Variants in LARGE1 observed in about 807,000 individuals in gnomAD.
The protein encoded by LARGE1 is xylosyl- and glucuronyltransferase LARGE1.
In LARGE1, 43 loss-of-function variants were observed where a neutral mutation model predicts 87.6. The observed-to-expected ratio is 0.49, with a 90% CI of 0.38 to 0.63. The LOEUF (loss-of-function observed/expected upper bound fraction) is 0.63. LARGE1 is among the 30% of genes least tolerant of loss of function. The pLI is 0.00. For missense variants in LARGE1, 802 were observed against 1,000.2 expected (o/e 0.80, Z 2.67); for synonymous variants, 434 against 394.6 (o/e 1.10, Z -1.18).
At chr22:33,394,702 CGTGTGTGTGT>C (rs59338001) in intron 7 of LARGE1, among the ~76,000 whole-genome samples, 9,263 of 142,376 alleles carry the variant, frequency 0.065, 454 homozygotes, top group Admixed American at 0.18. Context: ...CTCCTGGGAG[CGTGTGTGTGT>C]GTGTGTGTGT....
At chr22:33,293,941 T>C (rs1932912641) in intron 12 of LARGE1, among the ~76,000 whole-genome samples, 1 of 152,256 alleles carries the variant, frequency 6.6e-6, no homozygotes, top group South Asian at 2.1e-4. Flanking sequence ...ATTCTCACCT[T>C]GTTTGAATTA....
intron 11 of LARGE1, among the ~76,000 whole-genome samples, chr22:33,249,474 C>T (rs1175612089): frequency 1.3e-5 from 2 of 152,116 alleles, no homozygotes; most frequent in Non-Finnish European, 2.9e-5. Context: ...CAAATGTATT[C>T]TCCCAGTCTG....
chr22:33,175,783 T>C (rs1188872694), intron 11 of LARGE1, among the ~76,000 whole-genome samples: 2 of 152,182 alleles, frequency 1.3e-5, no homozygotes, highest in East Asian at 1.9e-4. Flanking sequence ...TTGACTTTTT[T>C]CACAGAATTG....
At chr22:33,319,488 C>T (rs1288308172) in intron 10 of LARGE1, among the ~76,000 whole-genome samples, 8 of 152,196 alleles carry the variant, frequency 5.3e-5, no homozygotes, top group East Asian at 1.9e-4. Context: ...CTCTGCCTCC[C>T]GGGTTCAAGT....
chr22:33,086,339 TTGA>T, the LARGE1 span, among the ~76,000 whole-genome samples: 1 of 152,136 alleles, frequency 6.6e-6, no homozygotes, highest in Admixed American at 6.5e-5. Context: ...AGGTCATGGG[TTGA>T]TAACAGATTT....
At chr22:33,549,671 A>T (rs144273396) in intron 6 of LARGE1, among the ~76,000 whole-genome samples, 320 of 152,352 alleles carry the variant, frequency 2.1e-3, no homozygotes, top group Middle Eastern at 6.8e-3. Flanking sequence ...TAAGAAGGGA[A>T]AGCAAGTCAG....
intron 6 of LARGE1, among the ~76,000 whole-genome samples, chr22:33,511,928 C>G (rs1046552092): frequency 1.5e-4 from 23 of 152,170 alleles, no homozygotes; most frequent in Admixed American, 1.3e-3. Context: ...ATCTTCTTGT[C>G]TCATCTCTTT....
chr22:33,571,240 T>TG (rs1221263777), intron 5 of LARGE1, among the ~76,000 whole-genome samples: 1 of 152,054 alleles, frequency 6.6e-6, no homozygotes, highest in Non-Finnish European at 1.5e-5. Flanking sequence ...TTATGTAAAC[T>TG]GGGGGGTTGG....
chr22:33,227,950 C>T (rs1434715933), intron 11 of LARGE1, among the ~76,000 whole-genome samples: 1 of 152,288 alleles, frequency 6.6e-6, no homozygotes, highest in South Asian at 2.1e-4. Context: ...CATTCTTCTT[C>T]CCCAAAGATA....
intron 9 of LARGE1, among the ~76,000 whole-genome samples, chr22:33,339,960 C>G (rs1459451553): frequency 6.6e-6 from 1 of 152,196 alleles, no homozygotes; most frequent in Non-Finnish European, 1.5e-5. Flanking sequence ...GCTACCACGC[C>G]TGGCCTAGAA....
chr22:33,217,527 T>C (rs567390241), intron 11 of LARGE1, among the ~76,000 whole-genome samples: 3 of 152,302 alleles, frequency 2.0e-5, no homozygotes, highest in South Asian at 4.1e-4. Flanking sequence ...GACACCATTA[T>C]AGAAAATGTT....
At chr22:33,190,571 A>C (rs909253058) in intron 11 of LARGE1, among the ~76,000 whole-genome samples, 1 of 152,230 alleles carries the variant, frequency 6.6e-6, no homozygotes. Context: ...GGTACAGGTG[A>C]ATCCTTCACC....
At chr22:33,694,005 C>A (rs567400674) in intron 2 of LARGE1, among the ~76,000 whole-genome samples, 1 of 152,214 alleles carries the variant, frequency 6.6e-6, no homozygotes, top group South Asian at 2.1e-4. Context: ...GGAGCAGTAT[C>A]TGCTCACAGT....
chr22:33,233,165 T>A (rs1009500879), intron 11 of LARGE1, among the ~76,000 whole-genome samples: 16 of 151,984 alleles, frequency 1.1e-4, no homozygotes, highest in Admixed American at 2.0e-4. Context: ...CAAGGAGAAA[T>A]TTCGAGTAGA....
Position 33,751,514 on chromosome 22 carries a change from A to G in LARGE1, c.106+9857T>C, listed in dbSNP as rs375643381. 7.2e-5 allele frequency among the ~76,000 whole-genome samples: 11 copies of G among 152,040 alleles called. No individual in the cohort carries two copies. The East Asian group carries it at 1.9e-3, about 27-fold the overall frequency. Reference sequence around the variant, plus strand: ...AAAAAAAAACAAAAACAAACAAACAAAAATTAAAATTAAATTATTAGCAGC... The same window carrying G: ...AAAAAAAAACAAAAACAAACAAACAGAAATTAAAATTAAATTATTAGCAGC... On this transcript the variant is annotated intron_variant, in intron 2 of 14. Transcript: ENST00000397394.
chr22:33,723,947 A>G (rs550374213), intron 2 of LARGE1: 2 of 152,444 alleles, frequency 1.3e-5, no homozygotes, highest in East Asian at 3.9e-4. Context: ...CACCAAACCA[A>G]TTCCCTGCTT....
chr22:33,505,780 G>T (rs2070735672), intron 6 of LARGE1, among the ~76,000 whole-genome samples: 1 of 152,136 alleles, frequency 6.6e-6, no homozygotes, highest in East Asian at 1.9e-4. Flanking sequence ...CTGCGACTGT[G>T]TCATTTCAGG....
intron 5 of LARGE1, among the ~76,000 whole-genome samples, chr22:33,584,134 A>C (rs1602563915): frequency 1.3e-5 from 2 of 152,242 alleles, no homozygotes; most frequent in South Asian, 4.1e-4. Flanking sequence ...GAAAAAGTTT[A>C]ATAAGAGTAT....
At chr22:33,143,747 A>T in the LARGE1 span, among the ~76,000 whole-genome samples, 2 of 152,038 alleles carry the variant, frequency 1.3e-5, no homozygotes, top group African/African-American at 2.4e-5. Context: ...AGCGACCAAG[A>T]CTCTTGCCTT....
Sources: gnomAD v4.1 joint callset for allele counts (sites outside exome capture counted in the v4.1 genomes callset) on GRCh38, gnomAD v4.1.1 for gene constraint, MANE v1.5 for transcripts, NCBI Gene and HGNC (gene_info 2026-07-23, HGNC 2026-07-21) for gene names.